Variants in SLC34A2 observed in about 807,000 individuals in gnomAD.
The protein encoded by SLC34A2 is solute carrier family 34 member 2.
In SLC34A2, 41 loss-of-function variants were observed where a neutral mutation model predicts 50.8. The observed-to-expected ratio is 0.81, with a 90% CI of 0.63 to 1.05. SLC34A2 has a LOEUF of 1.05. Among genes scored for constraint, SLC34A2 ranks in the 50% least tolerant of loss-of-function variants. SLC34A2 has a pLI of 0.00. For missense variants in SLC34A2, 879 were observed against 876.7 expected (o/e 1.00, Z -0.03); for synonymous variants, 401 against 364.2 (o/e 1.10, Z -1.15).
rs558791284 is a variant in SLC34A2 at position 25,677,020 on chromosome 4, C to T, written c.*271C>T. ...GAATTAGAGAATGAACCTGGCGGGA[C>T]GGATGTCTAATCCTGCGCCTAGCTG... On this transcript the variant is annotated 3_prime_UTR_variant, in exon 13 of 13. Transcript: ENST00000382051. The T allele has an allele frequency of 5.3e-5, 27 of 506,364 alleles. No individual in the cohort carries two copies. Among genetic ancestry groups the T allele is most frequent in the South Asian group, 7.2e-5 (3 of 41,606 alleles). The allele number at this position is 506,364 out of a possible 1,614,324, so 31.4% of individuals were successfully genotyped here.
intron 7 of SLC34A2, among the ~76,000 whole-genome samples, chr4:25,670,399 T>G (rs1714750998): frequency 6.6e-6 from 1 of 152,158 alleles, no homozygotes; most frequent in African/African-American, 2.4e-5. Flanking sequence ...TTGAGACCAC[T>G]TTGTTCCCAC....
chr4:25,665,054 T>C (rs534642602), intron 4 of SLC34A2: 142 of 228,156 alleles, frequency 6.2e-4, no homozygotes, highest in Non-Finnish European at 1.1e-3. Flanking sequence ...GACCATGGAT[T>C]TCTGCAACCC....
At chr4:25,662,446 C>T (rs1560234688) in intron 1 of SLC34A2, 52 bp from the exon 2 acceptor site, 6 of 1,490,946 alleles carry the variant, frequency 4.0e-6, no homozygotes, top group East Asian at 2.3e-5. Context: ...TATAGCATCT[C>T]GGTGTGCCTC....
intron 4 of SLC34A2, 151 bp from the exon 5 acceptor site, chr4:25,665,977 C>A: frequency 1.1e-6 from 1 of 912,830 alleles, no homozygotes; most frequent in Non-Finnish European, 1.8e-6. Context: ...CATGGGGAAG[C>A]AAGATTCCTT....
Position 25,668,657 on chromosome 4 carries a change from A to G in SLC34A2, c.635+666A>G, listed in dbSNP as rs895948937. On this transcript the variant is annotated intron_variant, in intron 6 of 12. Transcript: ENST00000382051. ...ACTCCATCTAAAAAAAAAAAAAAAAATAAATAAATACTGTTTTGTTTGGTC... is the reference window on the plus strand; with the variant it reads ...ACTCCATCTAAAAAAAAAAAAAAAAGTAAATAAATACTGTTTTGTTTGGTC... Among the ~76,000 whole-genome samples, 6 of 150,214 alleles carry G rather than the reference A, an allele frequency of 4.0e-5. No homozygotes were observed. The South Asian group carries it at 8.3e-4, about 21-fold the overall frequency.
intron 1 of SLC34A2, 97 bp from the exon 2 acceptor site, chr4:25,662,401 C>A: frequency 9.1e-7 from 1 of 1,097,498 alleles, no homozygotes; most frequent in Non-Finnish European, 1.4e-6. Context: ...AAACCCCCAC[C>A]CAGTTGATGC....
At position 25,662,782 on chromosome 4, in the gene SLC34A2, A is replaced by T; in HGVS notation, c.190A>T (p.Thr64Ser). 2.5e-6 allele frequency: 4 copies of T among 1,614,106 alleles called. No individual in the cohort carries two copies. Among genetic ancestry groups the T allele is most frequent in the Non-Finnish European group, 3.4e-6 (4 of 1,180,014 alleles). ...CACGGCTACACTGATAGATGAGCCC[A>T]CTGAGGTGGATGACCCCTGGAACCT... ...YSTATLIDEP[T>S]EVDDPWNLPT... The change falls in exon 3 of 13, where the codon ACT (threonine) becomes TCT (serine). Residue 64 changes from threonine to serine, a missense_variant. Transcript: ENST00000382051.
intron 4 of SLC34A2, chr4:25,665,163 CT>C (rs10676891): frequency 0.03 from 3,769 of 127,034 alleles, no homozygotes; most frequent in East Asian, 0.099. Context: ...CTGGACATTG[CT>C]TTTTTTTTTT....
chr4:25,670,116 G>A (rs1045568389), intron 7 of SLC34A2, among the ~76,000 whole-genome samples: 1 of 152,200 alleles, frequency 6.6e-6, no homozygotes, highest in Non-Finnish European at 1.5e-5. Flanking sequence ...CCAGCTATGT[G>A]GGGGCTGAGA....
Position 25,666,123 on chromosome 4 carries a change from C to T in SLC34A2, c.380-5C>T. On this transcript the variant is annotated splice_region_variant and splice_polypyrimidine_tract_variant and intron_variant, in intron 4 of 12. Transcript: ENST00000382051. ...TGTTTTTGTTTGTTTGTTTGTTTTT[C>T]CCAGGAAAAATGGCAGGACAGTTCT... 1 of 1,613,142 alleles carries T rather than the reference C, an allele frequency of 6.2e-7. No individual in the cohort carries two copies. Among genetic ancestry groups the T allele is most frequent in the Non-Finnish European group, 8.5e-7 (1 of 1,179,998 alleles).
chr4:25,666,251 T>A lies in SLC34A2; in HGVS notation c.503T>A (p.Val168Asp). 6.2e-7 allele frequency: 1 copy of A among 1,614,012 alleles called. No individual in the cohort carries two copies. Among genetic ancestry groups the A allele is most frequent in the Non-Finnish European group, 8.5e-7 (1 of 1,180,022 alleles). The change falls in exon 5 of 13, where the codon GTC becomes GAC. Residue 168 changes from valine (V) to aspartate (D), a missense_variant. Coordinates refer to ENST00000382051, the MANE Select transcript of SLC34A2 (RefSeq NM_006424.3). Reference protein sequence around the residue: ...QSSSTSTSIVVSMVSSSLLTV... With the variant: ...QSSSTSTSIVDSMVSSSLLTV... ...TCCAGCACCTCAACGTCCATCGTTG[T>A]CAGCATGGTGTCCTCTTCATGTGAG...
rs148006078 is a variant in SLC34A2 at position 25,662,385 on chromosome 4, C to T, written c.-3-113C>T. Reference sequence around the variant, plus strand: ...TTTCCCTTCCTTTTACTGCCGCCTCCGGCCGAAACCCCCACCCAGTTGATG... The same window carrying T: ...TTTCCCTTCCTTTTACTGCCGCCTCTGGCCGAAACCCCCACCCAGTTGATG... On this transcript the variant is annotated intron_variant, in intron 1 of 12. Coordinates refer to ENST00000382051, the MANE Select transcript of SLC34A2 (RefSeq NM_006424.3). 5,374 of 903,760 alleles carry T rather than the reference C, an allele frequency of 5.9e-3. 25 individuals carry two copies. Among genetic ancestry groups the T allele is most frequent in the Non-Finnish European group, 7.7e-3 (4,371 of 564,472 alleles). The allele number at this position is 903,760 out of a possible 1,614,324, so 56.0% of individuals were successfully genotyped here.
intron 10 of SLC34A2, among the ~76,000 whole-genome samples, chr4:25,673,832 G>A (rs1291969558): frequency 6.6e-6 from 1 of 152,206 alleles, no homozygotes; most frequent in Non-Finnish European, 1.5e-5. Flanking sequence ...AACTCTGGGT[G>A]CTTCTGGGAA....
rs1488875952 is a variant in SLC34A2, at chr4:25,677,516, A to G, written c.*767A>G. 4 of 152,242 alleles carry G rather than the reference A, an allele frequency of 2.6e-5. No homozygotes were observed. The highest frequency in any genetic ancestry group is 2.6e-4 in the Admixed American group (4 of 15,278). The allele number at this position is 152,242 out of a possible 1,614,324, so 9.4% of individuals were successfully genotyped here. Reference sequence around the variant, plus strand: ...GGGGCAGATGGAGGAGAAGAAAGTGAGGAATGAGTAGCATAGCATTCTGCC... The same window carrying G: ...GGGGCAGATGGAGGAGAAGAAAGTGGGGAATGAGTAGCATAGCATTCTGCC... On this transcript the variant is annotated 3_prime_UTR_variant, in exon 13 of 13. Coordinates refer to ENST00000382051, the MANE Select transcript of SLC34A2 (RefSeq NM_006424.3).
rs748558105 is a variant in SLC34A2, at chr4:25,673,213, A to AG, written c.1179dup (p.Gln394AlafsTer13). 1.2e-6 allele frequency: 2 copies of AG among 1,613,958 alleles called. No homozygotes were observed. ...GTCAAGATCCTGGGCTCTGTGCTCA[A>AG]GGGGCAGGTCGCCACTGTCATCAAG... On this transcript the variant is annotated frameshift_variant, in exon 10 of 13. Coordinates refer to ENST00000382051, the MANE Select transcript of SLC34A2 (RefSeq NM_006424.3). LOFTEE classifies it high-confidence loss of function.
rs1231620198 is a variant in SLC34A2, at chr4:25,676,539, C to T, written c.1863C>T (p.Cys621=). 1 of 1,613,792 alleles carries T rather than the reference C, an allele frequency of 6.2e-7. No individual in the cohort carries two copies. Among genetic ancestry groups the T allele is most frequent in the East Asian group, 2.2e-5 (1 of 44,872 alleles). Residue 621 remains cysteine, a synonymous_variant, in exon 13 of 13, where the codon TGC becomes TGT. Transcript: ENST00000382051. ...TGCFQMRCCC[C]CRVCCRACCL... is the part of the protein sequence containing the mutation. Reference sequence around the variant, plus strand: ...GCTTCCAGATGCGCTGCTGCTGCTGCTGCCGCGTGTGCTGCCGCGCGTGCT... The same window carrying T: ...GCTTCCAGATGCGCTGCTGCTGCTGTTGCCGCGTGTGCTGCCGCGCGTGCT...
At position 25,663,816 on chromosome 4, in the gene SLC34A2, G is replaced by C. The variant is rs377699568; in HGVS notation, c.251-386G>C. Among the ~76,000 whole-genome samples the C allele has an allele frequency of 3.5e-4, 53 of 152,296 alleles. No individual in the cohort carries two copies. The South Asian group carries it at 0.011, about 32-fold the overall frequency. On this transcript the variant is annotated intron_variant, in intron 3 of 12. Coordinates refer to ENST00000382051, the MANE Select transcript of SLC34A2 (RefSeq NM_006424.3). ...GAAAATACTCTGTGCTGTTTGGAAC[G>C]TGACAGCCATTATCTCCGACCCTGC...
intron 5 of SLC34A2, 60 bp downstream of exon 5, chr4:25,666,331 G>A: frequency 2.5e-6 from 4 of 1,596,674 alleles, no homozygotes; most frequent in South Asian, 2.2e-5. Flanking sequence ...CTATCTGAGG[G>A]TGGGAAGGAC....
rs1296553407 is a variant in SLC34A2 at position 25,677,093 on chromosome 4, A to G, written c.*344A>G. 6.4e-6 allele frequency: 2 copies of G among 311,216 alleles called. No individual in the cohort carries two copies. The highest frequency in any genetic ancestry group is 1.2e-5 in the Non-Finnish European group (2 of 164,082). The allele number at this position is 311,216 out of a possible 1,614,324, so 19.3% of individuals were successfully genotyped here. A position where few individuals can be genotyped will look rare whatever the true frequency, so the allele number is the denominator to read the frequency against. Reference sequence around the variant, plus strand: ...TCAGACTCAAAAACCATCTTCAGAAAGAAAAGGCCCAGGGAAGGAATGTAT... The same window carrying G: ...TCAGACTCAAAAACCATCTTCAGAAGGAAAAGGCCCAGGGAAGGAATGTAT... On this transcript the variant is annotated 3_prime_UTR_variant, in exon 13 of 13. Coordinates refer to ENST00000382051, the MANE Select transcript of SLC34A2 (RefSeq NM_006424.3).
Sources: gnomAD v4.1 joint callset for allele counts (sites outside exome capture counted in the v4.1 genomes callset) on GRCh38, gnomAD v4.1.1 for gene constraint, MANE v1.5 for transcripts, NCBI Gene and HGNC (gene_info 2026-07-23, HGNC 2026-07-21) for gene names.